Variants in MKLN1 observed in about 807,000 individuals in gnomAD.
MKLN1 encodes muskelin.
MKLN1 carries 18 observed loss-of-function variants against 99.0 expected under a neutral mutation model. That is an observed-to-expected ratio of 0.18 (90% CI 0.13 to 0.27). The LOEUF (loss-of-function observed/expected upper bound fraction) is 0.27. Among genes scored for constraint, MKLN1 ranks in the 10% least tolerant of loss-of-function variants. The pLI is 1.00. For missense variants in MKLN1, 621 were observed against 875.9 expected (o/e 0.71, Z 3.67); for synonymous variants, 288 against 293.2 (o/e 0.98, Z 0.18).
intron 2 of MKLN1, among the ~76,000 whole-genome samples, chr7:131,384,453 GA>G (rs1793946730): frequency 6.6e-6 from 1 of 151,512 alleles, no homozygotes; most frequent in African/African-American, 2.4e-5. Context: ...TCACAAGCCA[GA>G]AAAAAAATCA....
chr7:131,372,774 G>C (rs113227559), intron 1 of MKLN1, among the ~76,000 whole-genome samples: 1 of 149,694 alleles, frequency 6.7e-6, no homozygotes, highest in Non-Finnish European at 1.5e-5. Flanking sequence ...GAATTCTGAG[G>C]CTTTAGCATA....
At chr7:131,318,969 A>G (rs1021405136) in intron 3 of MKLN1, among the ~76,000 whole-genome samples, 1 of 152,188 alleles carries the variant, frequency 6.6e-6, no homozygotes, top group African/African-American at 2.4e-5. Context: ...TACCAACCAA[A>G]AAAAGCCCAG....
At chr7:131,245,559 C>A (rs540031326) in intron 3 of MKLN1, among the ~76,000 whole-genome samples, 6 of 152,172 alleles carry the variant, frequency 3.9e-5, no homozygotes, top group Non-Finnish European at 8.8e-5. Context: ...GGATTACAGG[C>A]GTGAGCCACT....
At position 131,159,541 on chromosome 7, in the gene MKLN1, G is replaced by C. The variant is rs189236956; in HGVS notation, c.-297+16600G>C. ...GTGGATCTCATGGAGGTGGAGAGTAGGATGGTGGTTACCAGAGGCTGGGAA... is the reference window on the plus strand; with the variant it reads ...GTGGATCTCATGGAGGTGGAGAGTACGATGGTGGTTACCAGAGGCTGGGAA... On this transcript the variant is annotated intron_variant, in intron 2 of 7. Coordinates refer to the MKLN1 transcript ENST00000416992. Among the ~76,000 whole-genome samples the C allele has an allele frequency of 4.8e-4, 73 of 152,222 alleles. No individual in the cohort carries two copies. In the East Asian group the frequency reaches 8.3e-3, roughly 17 times the overall value.
chr7:131,209,984 C>T (rs1232135574), intron 3 of MKLN1, among the ~76,000 whole-genome samples: 1 of 152,144 alleles, frequency 6.6e-6, no homozygotes, highest in Non-Finnish European at 1.5e-5. Context: ...TATAGATGAG[C>T]AGCTGGGTCA....
intron 2 of MKLN1, among the ~76,000 whole-genome samples, chr7:131,193,082 A>C (rs1463771002): frequency 2.0e-5 from 3 of 152,204 alleles, no homozygotes; most frequent in African/African-American, 7.2e-5. Flanking sequence ...GCTAACTTCC[A>C]TATAACAGTT....
intron 1 of MKLN1, among the ~76,000 whole-genome samples, chr7:131,133,798 C>T (rs1197227948): frequency 5.2e-4 from 36 of 69,468 alleles, no homozygotes; most frequent in Non-Finnish European, 6.4e-4. Context: ...AGGTTGACTT[C>T]TTTTTTTTTT....
rs377253954 is a variant in MKLN1, at chr7:131,443,602, A to G, written c.1295A>G (p.Asn432Ser). The change falls in exon 11 of 18, where the codon AAC (asparagine) becomes AGC (serine). Residue 432 changes from asparagine (N) to serine (S), a missense_variant. Physicochemically the swap from Asn to Ser is conservative, Grantham distance 46. Around this residue, in one of 8 missense-constraint regions of MKLN1, gnomAD observed 361 missense variants for 540.8 expected, o/e 0.67. Transcript: ENST00000352689. ...EPQFSGLFAF[N>S]CQCQTWKLLR... is the part of the protein sequence containing the mutation. ...CAATTCAGTGGCTTGTTTGCTTTCA[A>G]CTGTCAATGTCAAACCTGGAAACTT... 102 of 1,614,052 alleles carry G rather than the reference A, an allele frequency of 6.3e-5. No individual in the cohort carries two copies. The highest frequency in any genetic ancestry group is 1.8e-4 in the Admixed American group (11 of 60,002).
At chr7:131,363,755 C>G (rs955687923) in intron 1 of MKLN1, among the ~76,000 whole-genome samples, 3 of 149,400 alleles carry the variant, frequency 2.0e-5, no homozygotes, top group African/African-American at 7.4e-5. Context: ...TGTACCATCC[C>G]TGGGAAAAAA....
intron 3 of MKLN1, among the ~76,000 whole-genome samples, chr7:131,245,329 G>A (rs993610790): frequency 2.7e-5 from 4 of 148,888 alleles, no homozygotes; most frequent in African/African-American, 7.4e-5. Flanking sequence ...GAGCAGTGGC[G>A]TGATCTCGGC....
At position 131,488,603 on chromosome 7, in the gene MKLN1, C is replaced by G. The variant is rs372711634; in HGVS notation, c.*875C>G. On this transcript the variant is annotated 3_prime_UTR_variant, in exon 18 of 18. Coordinates refer to ENST00000352689, the MANE Select transcript of MKLN1 (RefSeq NM_013255.5). ...CAATTTTAGGAGAAAATGACTCTTT[C>G]GTCCAGAAGAGCTCTGCAGAACCAG... The G allele has an allele frequency of 6.6e-6, 1 of 152,462 alleles. No individual in the cohort carries two copies. The highest frequency in any genetic ancestry group is 1.5e-5 in the Non-Finnish European group (1 of 67,990). 9.4% of individuals were successfully genotyped at this position (152,462 alleles called of 1,614,324 possible).
chr7:131,403,179 G>C (rs1794599464), intron 6 of MKLN1, among the ~76,000 whole-genome samples: 1 of 152,138 alleles, frequency 6.6e-6, no homozygotes, highest in Non-Finnish European at 1.5e-5. Context: ...ATAACTTGCT[G>C]CATCTTCTAT....
chr7:131,254,774 A>G (rs1464351479), intron 3 of MKLN1, among the ~76,000 whole-genome samples: 1 of 152,224 alleles, frequency 6.6e-6, no homozygotes, highest in African/African-American at 2.4e-5. Context: ...GAACGAAGAA[A>G]TATGAACAGT....
At chr7:131,163,296 A>G (rs930562339) in intron 2 of MKLN1, among the ~76,000 whole-genome samples, 7 of 152,350 alleles carry the variant, frequency 4.6e-5, no homozygotes, top group African/African-American at 1.7e-4. Context: ...GTGCAGTTGG[A>G]GGAAATTGCC....
intron 3 of MKLN1, among the ~76,000 whole-genome samples, chr7:131,301,776 C>T (rs1798380149): frequency 6.6e-6 from 1 of 152,134 alleles, no homozygotes; most frequent in Non-Finnish European, 1.5e-5. Flanking sequence ...CTACCTCTGT[C>T]ATTCCCCAGT....
intron 1 of MKLN1, among the ~76,000 whole-genome samples, chr7:131,367,997 A>G (rs1800231442): frequency 6.6e-6 from 1 of 152,246 alleles, no homozygotes; most frequent in Non-Finnish European, 1.5e-5. Flanking sequence ...GATAGGCTAT[A>G]TATACCACTA....
chr7:131,406,882 TCTGA>T (rs1435199851), intron 6 of MKLN1, among the ~76,000 whole-genome samples: 2 of 152,124 alleles, frequency 1.3e-5, no homozygotes, highest in East Asian at 1.9e-4. Flanking sequence ...TCTTTTTCCC[TCTGA>T]CTGTTTAAAT....
At chr7:131,194,244 C>T (rs1796610366) in intron 2 of MKLN1, among the ~76,000 whole-genome samples, 1 of 152,130 alleles carries the variant, frequency 6.6e-6, no homozygotes. Context: ...ACATTTGGAT[C>T]ATACCCAAAG....
chr7:131,304,575 A>G (rs1282756778), intron 3 of MKLN1, among the ~76,000 whole-genome samples: 1 of 152,168 alleles, frequency 6.6e-6, no homozygotes, highest in East Asian at 1.9e-4. Context: ...GAGCTTGCCT[A>G]TGGGATAGCG....
Sources: gnomAD v4.1 joint callset for allele counts (sites outside exome capture counted in the v4.1 genomes callset) on GRCh38, gnomAD v4.1.1 for gene constraint, gnomAD v4.1.1 regional missense constraint, MANE v1.5 for transcripts, NCBI Gene and HGNC (gene_info 2026-07-23, HGNC 2026-07-21) for gene names.